NHSL1: variants seen among roughly 807,000 people sequenced by gnomAD.
The protein encoded by NHSL1 is NHS like 1, also known as NHS-like protein 1.
Under a neutral mutation model 95.0 loss-of-function variants are expected in NHSL1, and 48 were observed. The observed-to-expected ratio is 0.51, with a 90% CI of 0.40 to 0.64. The LOEUF is 0.64. NHSL1 is among the 30% of genes least tolerant of loss of function. The pLI is 0.00. For missense variants in NHSL1, 1,971 were observed against 2,077.7 expected (o/e 0.95, Z 1.00); for synonymous variants, 783 against 833.9 (o/e 0.94, Z 1.05).
intron 2 of NHSL1, among the ~76,000 whole-genome samples, chr6:138,490,739 T>A (rs1780024689): frequency 6.6e-6 from 1 of 152,158 alleles, no homozygotes; most frequent in African/African-American, 2.4e-5. Context: ...TTCAAGTGAT[T>A]CTCCTGCCTC....
intron 5 of NHSL1, among the ~76,000 whole-genome samples, chr6:138,437,541 G>T (rs1466980296): frequency 1.3e-5 from 2 of 149,796 alleles, no homozygotes; most frequent in Non-Finnish European, 3.0e-5. Flanking sequence ...CATTCATTCT[G>T]CAGCCCATGG....
chr6:138,513,216 A>C lies in NHSL1; in HGVS notation c.17-16845T>G, dbSNP rs563934116. Among the ~76,000 whole-genome samples the C allele has an allele frequency of 4.6e-5, 7 of 152,368 alleles. No individual in the cohort carries two copies. The South Asian group carries it at 1.4e-3, about 32-fold the overall frequency. ...TAACATTCATAGAAATGGGTTGGGAAGGAAAAGAGCCTGGCGAACTTTAAA... is the reference window on the plus strand; with the variant it reads ...TAACATTCATAGAAATGGGTTGGGACGGAAAAGAGCCTGGCGAACTTTAAA... On this transcript the variant is annotated intron_variant, in intron 1 of 4. Coordinates refer to the NHSL1 transcript ENST00000342260.
rs146462663 is a variant in NHSL1 at position 138,580,510 on chromosome 6, C to A, written c.97-84139G>T. 7.6e-3 allele frequency among the ~76,000 whole-genome samples: 1,164 copies of A among 152,170 alleles called. 11 individuals are homozygous for A. Among genetic ancestry groups the A allele is most frequent in the African/African-American group, 0.027 (1,106 of 41,510 alleles). On this transcript the variant is annotated intron_variant, in intron 1 of 3. Transcript: ENST00000491526. ...GGCTCTCTGGGGCGGGGATGAGGGACGTGGGAAGCCATGACTTATAATACA... is the reference window on the plus strand; with the variant it reads ...GGCTCTCTGGGGCGGGGATGAGGGAAGTGGGAAGCCATGACTTATAATACA...
intron 1 of NHSL1, among the ~76,000 whole-genome samples, chr6:138,657,986 A>G (rs1785179574): frequency 6.6e-6 from 1 of 151,928 alleles, no homozygotes; most frequent in Admixed American, 6.6e-5. Context: ...ATAAAATAAT[A>G]AAACTAGTGA....
At chr6:138,456,209 A>G (rs368600209) in intron 3 of NHSL1, among the ~76,000 whole-genome samples, 38 of 152,290 alleles carry the variant, frequency 2.5e-4, no homozygotes, top group African/African-American at 9.1e-4. Flanking sequence ...AGCAAACCGG[A>G]ACATGTGGTT....
At chr6:138,450,832 C>T (rs1192823552) in intron 3 of NHSL1, among the ~76,000 whole-genome samples, 2 of 152,148 alleles carry the variant, frequency 1.3e-5, no homozygotes, top group African/African-American at 4.8e-5. Flanking sequence ...GACTTTCATG[C>T]CTCCCAGTGT....
At chr6:138,674,679 A>G (rs1445399627) in intron 1 of NHSL1, among the ~76,000 whole-genome samples, 2 of 152,148 alleles carry the variant, frequency 1.3e-5, no homozygotes, top group African/African-American at 2.4e-5. Context: ...ATAGTATTCC[A>G]TGGTGTATAC....
intron 1 of NHSL1, among the ~76,000 whole-genome samples, chr6:138,554,222 G>A (rs903025841): frequency 5.3e-5 from 8 of 152,184 alleles, no homozygotes; most frequent in Admixed American, 3.3e-4. Flanking sequence ...TCATAGGAAA[G>A]ATACAACAGT....
At chr6:138,619,528 C>T (rs1015661892) in intron 1 of NHSL1, among the ~76,000 whole-genome samples, 8 of 152,086 alleles carry the variant, frequency 5.3e-5, no homozygotes, top group African/African-American at 1.7e-4. Context: ...CCTACTATTC[C>T]CACCTAATTA....
intron 5 of NHSL1, among the ~76,000 whole-genome samples, chr6:138,439,931 C>T (rs1489145378): frequency 6.6e-6 from 1 of 152,142 alleles, no homozygotes; most frequent in East Asian, 1.9e-4. Context: ...CTGGCCAGAA[C>T]ATTCTAGTAA....
intron 1 of NHSL1, among the ~76,000 whole-genome samples, chr6:138,544,505 AAGACTGGT>A (rs1334335547): frequency 1.3e-5 from 2 of 152,162 alleles, no homozygotes. Context: ...TTCAATATTA[AAGACTGGT>A]AGGTTTTAAG....
At chr6:138,491,569 G>A (rs1388662233) in intron 2 of NHSL1, among the ~76,000 whole-genome samples, 5 of 152,134 alleles carry the variant, frequency 3.3e-5, no homozygotes, top group Admixed American at 2.0e-4. Flanking sequence ...GTTCATGAAG[G>A]ATTCAAACAA....
chr6:138,648,525 T>C (rs898798426), intron 1 of NHSL1, among the ~76,000 whole-genome samples: 2 of 152,122 alleles, frequency 1.3e-5, no homozygotes, highest in African/African-American at 4.8e-5. Context: ...CAGCATGTAG[T>C]CCTAGGGCCT....
chr6:138,431,170 C>A lies in NHSL1; in HGVS notation c.3175G>T (p.Glu1059Ter). Residue 1059 changes from glutamate to a stop codon, truncating the protein, a stop_gained, in exon 6 of 8, where the codon GAG becomes TAG. Transcript: ENST00000343505. LOFTEE classifies it high-confidence loss of function. This position sits in a 1 kb window ranked among gnomAD's most constrained non-coding sequence, Gnocchi z 4.0. ...GSLRPPSTKE[E>*]TSRPPMPLIT... ...AGGGGCATGGGGGGCCTGCTGGTCT[C>A]CTCCTTGGTAGAAGGCGGCCTCAAG... The A allele has an allele frequency of 6.4e-7, 1 of 1,550,426 alleles. No homozygotes were observed. Among genetic ancestry groups the A allele is most frequent in the Non-Finnish European group, 8.7e-7 (1 of 1,146,062 alleles).
At chr6:138,670,839 A>T (rs145515983) in intron 1 of NHSL1, among the ~76,000 whole-genome samples, 159 of 152,292 alleles carry the variant, frequency 1.0e-3, no homozygotes, top group African/African-American at 3.8e-3. Context: ...CAGTAGAAGG[A>T]CTGAAAAAGA....
intron 1 of NHSL1, among the ~76,000 whole-genome samples, chr6:138,602,219 T>C (rs1369010885): frequency 2.0e-5 from 3 of 152,266 alleles, no homozygotes; most frequent in Non-Finnish European, 4.4e-5. Flanking sequence ...TGTCTCTCCA[T>C]GTGTTCACGT....
At chr6:138,562,751 CTT>C (rs529978050) in intron 1 of NHSL1, among the ~76,000 whole-genome samples, 1 of 152,070 alleles carries the variant, frequency 6.6e-6, no homozygotes, top group African/African-American at 2.4e-5. Context: ...TCAACGAGAA[CTT>C]TGTCTTTTCT....
At chr6:138,495,464 G>A (rs559638374) in intron 2 of NHSL1, among the ~76,000 whole-genome samples, 9 of 152,118 alleles carry the variant, frequency 5.9e-5, no homozygotes, top group Non-Finnish European at 1.3e-4. Context: ...TTTCCAGCCA[G>A]CTTGAACTAA....
At chr6:138,482,538 T>A (rs1037006181) in intron 2 of NHSL1, among the ~76,000 whole-genome samples, 1 of 152,086 alleles carries the variant, frequency 6.6e-6, no homozygotes, top group African/African-American at 2.4e-5. Context: ...GTGACAATTA[T>A]GTTTTCTTTC....
Sources: allele counts gnomAD v4.1 joint callset (sites outside exome capture counted in the v4.1 genomes callset), GRCh38; gene constraint gnomAD v4.1.1; non-coding constraint Gnocchi (gnomAD v3.1); transcripts MANE v1.5; gene names NCBI Gene and HGNC (gene_info 2026-07-23, HGNC 2026-07-21).